The following NPIPB15 variants were observed in gnomAD, a reference collection of about 807,000 sequenced individuals.
NPIPB15 encodes the protein nuclear pore complex-interacting protein family member B15.
In NPIPB15, 5 loss-of-function variants were observed where a neutral mutation model predicts 35.9. That is an observed-to-expected ratio of 0.14 (90% CI 0.07 to 0.29). The LOEUF (loss-of-function observed/expected upper bound fraction) is 0.29, where lower values mean the gene tolerates loss of function less well. Among genes scored for constraint, NPIPB15 ranks in the 10% least tolerant of loss-of-function variants. NPIPB15 has a pLI of 1.00. For synonymous variants in NPIPB15, 43 were observed against 182.0 expected (o/e 0.24, Z 6.15); for missense variants, 100 against 506.1 (o/e 0.20, Z 7.70).
In NPIPB15 at chr16:74,391,623, C is replaced by A. The variant is rs2012557971; in HGVS notation, c.875C>A (p.Pro292His). ...GAGTGTCCTCTTGCTCCTCTTCCAC[C>A]CTCAGTGGATGATAATCTGAAGGAG... ...IKECPLAPLP[P>H]SVDDNLKEYL... The change falls in exon 8 of 8, where the codon CCC becomes CAC. Residue 292 changes from proline (P) to histidine (H), a missense_variant. Coordinates refer to ENST00000692376, the MANE Select transcript of NPIPB15 (RefSeq NM_001306094.2). 1.3e-6 allele frequency: 2 copies of A among 1,598,456 alleles called. No homozygotes were observed. Among genetic ancestry groups the A allele is most frequent in the South Asian group, 2.3e-5 (2 of 86,848 alleles).
chr16:74,384,349 T>C (rs1352245430), intron 3 of NPIPB15, among the ~76,000 whole-genome samples: 3 of 97,352 alleles, frequency 3.1e-5, no homozygotes, highest in African/African-American at 1.1e-4. Context: ...TACAGTTCAG[T>C]TGTGTGAAGT....
intron 2 of NPIPB15, among the ~76,000 whole-genome samples, chr16:74,379,086 C>A (rs1335005328): frequency 3.9e-4 from 56 of 142,964 alleles, no homozygotes; most frequent in African/African-American, 1.5e-3. Flanking sequence ...AGGCGTGAAC[C>A]ACCGTGCCCA....
At chr16:74,377,709 T>TCTC (rs1236422588) in intron 1 of NPIPB15, among the ~76,000 whole-genome samples, 3 of 149,058 alleles carry the variant, frequency 2.0e-5, no homozygotes, top group African/African-American at 5.0e-5. Context: ...ACCCCTTTCT[T>TCTC]CTCCTCCTCC....
At chr16:74,389,443 G>T (rs2142694316) in intron 5 of NPIPB15, among the ~76,000 whole-genome samples, 2 of 149,394 alleles carry the variant, frequency 1.3e-5, no homozygotes, top group East Asian at 2.0e-4. Context: ...CGTGATCTTG[G>T]CTCACTGCAA....
At chr16:74,377,400 G>C (rs1294278803) in intron 1 of NPIPB15, among the ~76,000 whole-genome samples, 54 bp downstream of exon 1, 2 of 151,948 alleles carry the variant, frequency 1.3e-5, no homozygotes, top group African/African-American at 4.8e-5. Context: ...GGGAGACTGA[G>C]ATGGGGGAGG....
intron 2 of NPIPB15, among the ~76,000 whole-genome samples, chr16:74,379,956 T>A (rs2011896300): frequency 3.5e-5 from 1 of 28,764 alleles, no homozygotes; most frequent in African/African-American, 1.3e-4. Flanking sequence ...TTCATTGTAT[T>A]TTTTTTTTTT....
At position 74,377,321 on chromosome 16, in the gene NPIPB15, G is replaced by A. The variant is rs997464294; in HGVS notation, c.-48G>A. On this transcript the variant is annotated 5_prime_UTR_variant, in exon 1 of 8. Coordinates refer to ENST00000692376, the MANE Select transcript of NPIPB15 (RefSeq NM_001306094.2). ...GAGAGCCCAGAAGCAGGGACAGGGA[G>A]CTGGTTGGGGAGGACCAGAAATCAG... is the stretch of plus-strand genomic sequence containing the variant. 6.6e-6 allele frequency among the ~76,000 whole-genome samples: 1 copy of A among 152,004 alleles called. No individual in the cohort carries two copies. The highest frequency in any genetic ancestry group is 1.5e-5 in the Non-Finnish European group (1 of 68,026).
intron 2 of NPIPB15, among the ~76,000 whole-genome samples, chr16:74,379,653 G>A (rs1202869360): frequency 3.3e-5 from 5 of 150,868 alleles, no homozygotes; most frequent in South Asian, 4.2e-4. Flanking sequence ...GCAGTGGTGC[G>A]ATCTCGGCTC....
chr16:74,382,581 T>C (rs952193237), intron 3 of NPIPB15, among the ~76,000 whole-genome samples: 1 of 152,290 alleles, frequency 6.6e-6, no homozygotes, highest in African/African-American at 2.4e-5. Context: ...ATTTGTCTTT[T>C]GAGCCTTTTT....
At position 74,391,699 on chromosome 16, in the gene NPIPB15, T is replaced by C. The variant is rs1357208482; in HGVS notation, c.951T>C (p.Asp317=). 5 of 1,585,198 alleles carry C rather than the reference T, an allele frequency of 3.2e-6. No homozygotes were observed. The Admixed American group carries it at 5.2e-5, about 16-fold the overall frequency. ...CTCCTCTTCCACCCTCAGTGGATGATAATCTGAAGGACTGTCTCTTTGTCC... is the reference window on the plus strand; with the variant it reads ...CTCCTCTTCCACCCTCAGTGGATGACAATCTGAAGGACTGTCTCTTTGTCC... ...PPSPLPPSVD[D]NLKDCLFVPL... The change falls in exon 8 of 8, where the codon GAT becomes GAC. Residue 317 remains aspartate, a synonymous_variant. Coordinates refer to ENST00000692376, the MANE Select transcript of NPIPB15 (RefSeq NM_001306094.2).
intron 5 of NPIPB15, among the ~76,000 whole-genome samples, chr16:74,387,978 T>TA (rs2012363933): frequency 6.6e-6 from 1 of 152,090 alleles, no homozygotes; most frequent in Non-Finnish European, 1.5e-5. Flanking sequence ...TGAACCTTGT[T>TA]AAAGTCAGTC....
chr16:74,378,586 G>T (rs2011809784), intron 2 of NPIPB15, among the ~76,000 whole-genome samples: 1 of 149,300 alleles, frequency 6.7e-6, no homozygotes, highest in Admixed American at 6.7e-5. Context: ...GCTAATTTTT[G>T]TATTTTTAGT....
Position 74,381,634 on chromosome 16 carries a change from T to C in NPIPB15, c.185T>C (p.Ile62Thr), listed in dbSNP as rs749592762. ...CCACAAAAATTGGATAATTTGATAA[T>C]TATCATTATTGGGTTTCTGAGACGT... ...PSPQKLDNLI[I>T]IIIGFLRRDT... is the part of the protein sequence containing the mutation. Residue 62 changes from isoleucine (I) to threonine (T), a missense_variant, in exon 3 of 8, where the codon ATT (isoleucine) becomes ACT (threonine). Coordinates refer to ENST00000692376, the MANE Select transcript of NPIPB15 (RefSeq NM_001306094.2). The C allele has an allele frequency of 2.5e-6, 4 of 1,581,762 alleles. No individual in the cohort carries two copies. The South Asian group carries it at 4.5e-5, about 18-fold the overall frequency.
At chr16:74,385,940 A>T in intron 5 of NPIPB15, among the ~76,000 whole-genome samples, 191 bp downstream of exon 5, 2 of 119,512 alleles carry the variant, frequency 1.7e-5, no homozygotes, top group Non-Finnish European at 3.4e-5. Context: ...CTTGTTTGTA[A>T]TTTTTTCGGG....
intron 2 of NPIPB15, among the ~76,000 whole-genome samples, chr16:74,379,876 C>T (rs2142654238): frequency 6.6e-6 from 1 of 152,166 alleles, no homozygotes; most frequent in South Asian, 2.1e-4. Context: ...GCGTGAGCCA[C>T]CACACCCGGC....
chr16:74,386,449 T>C (rs1167695467), intron 5 of NPIPB15, among the ~76,000 whole-genome samples: 2 of 122,320 alleles, frequency 1.6e-5, no homozygotes, highest in Non-Finnish European at 3.3e-5. Context: ...TGCCACCACA[T>C]TCGGCCAATT....
chr16:74,382,584 G>A (rs867844566), intron 3 of NPIPB15, among the ~76,000 whole-genome samples: 1 of 152,264 alleles, frequency 6.6e-6, no homozygotes, highest in South Asian at 2.1e-4. Flanking sequence ...TGTCTTTTGA[G>A]CCTTTTTTCC....
In NPIPB15 at chr16:74,388,880, T is replaced by A; in HGVS notation, c.546-945T>A. On this transcript the variant is annotated intron_variant, in intron 5 of 7. Transcript: ENST00000692376. ...ATTGGAGTGTTGTTTATAACCTCTG[T>A]ACAATGTTTAGACCCAGTAAATGCA... 3.1e-6 allele frequency: 3 copies of A among 956,598 alleles called. 1 individual carries two copies. Among genetic ancestry groups the A allele is most frequent in the South Asian group, 4.9e-5 (1 of 20,600 alleles). The allele number at this position is 956,598 out of a possible 1,614,324, so 59.3% of individuals were successfully genotyped here.
At chr16:74,388,947 G>C in intron 5 of NPIPB15, 2 of 917,320 alleles carry the variant, frequency 2.2e-6, no homozygotes, top group Non-Finnish European at 2.6e-6. Flanking sequence ...GTGAGAGAGA[G>C]AGAGAGTTCA....
Sources: allele counts gnomAD v4.1 joint callset (sites outside exome capture counted in the v4.1 genomes callset), GRCh38; gene constraint gnomAD v4.1.1; transcripts MANE v1.5; gene names NCBI Gene and HGNC (gene_info 2026-07-23, HGNC 2026-07-21).